ZNF425: variants seen among roughly 807,000 people sequenced by gnomAD.
ZNF425 encodes the protein zinc finger protein 425.
In ZNF425, 21 loss-of-function variants were observed where a neutral mutation model predicts 17.0. The observed-to-expected ratio is 1.23, with a 90% CI of 0.88 to 1.78. The LOEUF (loss-of-function observed/expected upper bound fraction) is 1.78, where lower values mean the gene tolerates loss of function less well. ZNF425 is among the 40% of genes most tolerant of loss of function. ZNF425 has a pLI of 0.00. For missense variants in ZNF425, 868 were observed against 967.3 expected, an observed-to-expected ratio of 0.90 and a Z score of 1.36; for synonymous variants, 433 against 384.1, an observed-to-expected ratio of 1.13 and a Z score of -1.49.
chr7:149,112,246 T>G lies in ZNF425; in HGVS notation c.195A>C (p.Arg65Ser). ...ATCCCTGTTCGCTGATTAATAGCAT[T>G]CTCCCTTGTTCCATCCATGTGATCA... is the stretch of plus-strand genomic sequence containing the variant. ...PDLITWMEQG[R>S]MLLISEQGCL... Residue 65 changes from arginine (R) to serine (S), a missense_variant, in exon 3 of 4, where the codon AGA becomes AGC. Arg to Ser is a moderately radical substitution (Grantham distance 110). Coordinates refer to ENST00000378061, the MANE Select transcript of ZNF425 (RefSeq NM_001001661.3). 3 of 1,614,118 alleles carry G rather than the reference T, an allele frequency of 1.9e-6. No individual in the cohort carries two copies. The Admixed American group carries it at 5.0e-5, about 27-fold the overall frequency.
chr7:149,118,196 A>G, intron 2 of ZNF425, 26 bp downstream of exon 2: 1 of 1,613,804 alleles, frequency 6.2e-7, no homozygotes, highest in Non-Finnish European at 8.5e-7. Context: ...GTTCCTAAAA[A>G]GTGATTCCTT....
intron 1 of ZNF425, among the ~76,000 whole-genome samples, chr7:149,122,256 AT>A (rs1161701712): frequency 2.7e-5 from 4 of 149,970 alleles, no homozygotes; most frequent in Non-Finnish European, 1.5e-5. Flanking sequence ...TTCTAATTGG[AT>A]TTTTTTTTAA....
chr7:149,104,554 C>G lies in ZNF425; in HGVS notation c.1317G>C (p.Lys439Asn), dbSNP rs778981532. The change falls in exon 4 of 4, where the codon AAG becomes AAC. Residue 439 changes from lysine to asparagine, a missense_variant. Physicochemically the swap from Lys to Asn is moderately conservative, Grantham distance 94 (BLOSUM62 0). This residue lies in a region of ZNF425 where 437 missense variants were observed against 444.2 expected (regional missense o/e 0.98). Coordinates refer to ENST00000378061, the MANE Select transcript of ZNF425 (RefSeq NM_001001661.3). This position sits in a 1 kb window ranked among gnomAD's most constrained non-coding sequence, Gnocchi z 4.3. ...LKAHGLQHIG[K>N]RPFQCPECSR... is the part of the protein sequence containing the mutation. ...TGCACTCCGGGCACTGGAAGGGCCG[C>G]TTCCCAATGTGCTGCAGCCCGTGGG... 1 of 1,612,804 alleles carries G rather than the reference C, an allele frequency of 6.2e-7. No individual in the cohort carries two copies. The highest frequency in any genetic ancestry group is 1.1e-5 in the South Asian group (1 of 90,972).
chr7:149,104,346 G>A lies in ZNF425; in HGVS notation c.1525C>T (p.Gln509Ter), dbSNP rs749922209. The A allele has an allele frequency of 5.6e-5, 91 of 1,613,000 alleles. No homozygotes were observed. The highest frequency in any genetic ancestry group is 1.6e-4 in the Middle Eastern group (1 of 6,080). Residue 509 changes from glutamine (Q) to a stop codon, truncating the protein, a stop_gained, in exon 4 of 4, where the codon CAG becomes TAG. Transcript: ENST00000378061. LOFTEE classifies it low-confidence loss of function (END_TRUNC). This position sits in a 1 kb window ranked among gnomAD's most constrained non-coding sequence, Gnocchi z 4.3. ...AGGTGCTGCGTGAGCCGCGACTGCTGAGAAAAGGTCTTTTTGCACTCGCCG... is the reference window on the plus strand; with the variant it reads ...AGGTGCTGCGTGAGCCGCGACTGCTAAGAAAAGGTCTTTTTGCACTCGCCG... ...PCGECKKTFS[Q>*]QSRLTQHLKV...
At position 149,112,234 on chromosome 7, in the gene ZNF425, G is replaced by A; in HGVS notation, c.207C>T (p.Ile69=). Residue 69 remains isoleucine (I), a synonymous_variant, in exon 3 of 4, where the codon ATC becomes ATT. Transcript: ENST00000378061. ...TTTTATCTAAGCATCCCTGTTCGCT[G>A]ATTAATAGCATTCTCCCTTGTTCCA... ...TWMEQGRMLL[I]SEQGCLDKTR... The A allele has an allele frequency of 6.2e-7, 1 of 1,614,172 alleles. No individual in the cohort carries two copies. Among genetic ancestry groups the A allele is most frequent in the Non-Finnish European group, 8.5e-7 (1 of 1,179,982 alleles).
intron 3 of ZNF425, among the ~76,000 whole-genome samples, chr7:149,107,123 A>ATT (rs982614863): frequency 1.2e-4 from 17 of 147,646 alleles, no homozygotes; most frequent in African/African-American, 4.3e-4. Flanking sequence ...AAAAAAAAAA[A>ATT]TTTTTAAGGA....
At chr7:149,108,156 G>C (rs569246710) in intron 3 of ZNF425, among the ~76,000 whole-genome samples, 5 of 152,032 alleles carry the variant, frequency 3.3e-5, no homozygotes, top group Non-Finnish European at 7.4e-5. Context: ...ACAGGCATGA[G>C]CCACTGTACC....
chr7:149,114,939 T>C (rs531705968), intron 2 of ZNF425, among the ~76,000 whole-genome samples: 3 of 123,948 alleles, frequency 2.4e-5, no homozygotes, highest in South Asian at 5.0e-4. Context: ...TTCTTTTTTT[T>C]TTTTTTTTTT....
At chr7:149,117,670 T>TTTC in intron 2 of ZNF425, among the ~76,000 whole-genome samples, 1 of 120,694 alleles carries the variant, frequency 8.3e-6, no homozygotes, top group Non-Finnish European at 1.7e-5. Flanking sequence ...TTTTTTTTTT[T>TTTC]GAGATGGACT....
At position 149,105,461 on chromosome 7, in the gene ZNF425, A is replaced by C; in HGVS notation, c.410T>G (p.Leu137Ter). The change falls in exon 4 of 4, where the codon TTA becomes TGA. Residue 137 changes from leucine to a stop codon, truncating the protein, a stop_gained. Coordinates refer to ENST00000378061, the MANE Select transcript of ZNF425 (RefSeq NM_001001661.3). LOFTEE classifies it low-confidence loss of function (END_TRUNC). ...ALRGKERKIL[L>*]AQTATFQSPS... is the part of the protein sequence containing the mutation. Reference sequence around the variant, plus strand: ...AGACTGGAAGGTGGCTGTTTGAGCTAATAAAATCTTTCTCTCTTTCCCTCG... The same window carrying C: ...AGACTGGAAGGTGGCTGTTTGAGCTCATAAAATCTTTCTCTCTTTCCCTCG... 1 of 1,530,428 alleles carries C rather than the reference A, an allele frequency of 6.5e-7. No homozygotes were observed. The highest frequency in any genetic ancestry group is 8.7e-7 in the Non-Finnish European group (1 of 1,144,146). The allele number at this position is 1,530,428 out of a possible 1,614,324, so 94.8% of individuals were successfully genotyped here. A position where few individuals can be genotyped will look rare whatever the true frequency, so the allele number is the denominator to read the frequency against.
At chr7:149,108,623 G>A (rs1826120930) in intron 3 of ZNF425, among the ~76,000 whole-genome samples, 2 of 152,166 alleles carry the variant, frequency 1.3e-5, no homozygotes, top group African/African-American at 2.4e-5. Flanking sequence ...ACTGGGTGTG[G>A]TGGCTCACGC....
At position 149,104,095 on chromosome 7, in the gene ZNF425, C is replaced by A. The variant is rs1357015530; in HGVS notation, c.1776G>T (p.Thr592=). Residue 592 remains threonine, a synonymous_variant, in exon 4 of 4, where the codon ACG becomes ACT. Coordinates refer to ENST00000378061, the MANE Select transcript of ZNF425 (RefSeq NM_001001661.3). This position sits in a 1 kb window ranked among gnomAD's most constrained non-coding sequence, Gnocchi z 4.3. ...FACGECDKTY[T]HQSQLTEHLR... ...GGTGCTCGGTGAGCTGAGACTGATG[C>A]GTGTAGGTCTTGTCACACTCACCGC... 1.2e-6 allele frequency: 2 copies of A among 1,612,494 alleles called. No individual in the cohort carries two copies. The highest frequency in any genetic ancestry group is 1.3e-5 in the African/African-American group (1 of 74,842).
intron 2 of ZNF425, among the ~76,000 whole-genome samples, chr7:149,112,914 G>A (rs886988411): frequency 1.3e-5 from 2 of 150,738 alleles, no homozygotes; most frequent in South Asian, 4.2e-4. Context: ...GTCTGCCTGC[G>A]TCGGCCTCCC....
chr7:149,122,428 G>A (rs972952638), intron 1 of ZNF425, among the ~76,000 whole-genome samples: 2 of 151,804 alleles, frequency 1.3e-5, no homozygotes, highest in South Asian at 2.1e-4. Context: ...AGCTCTTTAT[G>A]TAGTCTAGAC....
At position 149,105,208 on chromosome 7, in the gene ZNF425, T is replaced by C. The variant is rs146541424; in HGVS notation, c.663A>G (p.Pro221=). The C allele has an allele frequency of 3.7e-6, 6 of 1,614,098 alleles. No individual in the cohort carries two copies. In the Admixed American group the frequency reaches 5.0e-5, roughly 13 times the overall value. ...TCCCTCTGGACGAGTTTTTGTACTT[T>C]GGGTATCTGCAGAGCTGGCTCTTGG... is the stretch of plus-strand genomic sequence containing the variant. The part of the protein sequence containing the change: ...SHSKSQLCRY[P]KYKNSSRGKS... The change falls in exon 4 of 4, where the codon CCA becomes CCG. Residue 221 remains proline (P), a synonymous_variant. Transcript: ENST00000378061.
intron 2 of ZNF425, 50 bp downstream of exon 2, chr7:149,118,172 G>C: frequency 6.2e-7 from 1 of 1,610,582 alleles, no homozygotes; most frequent in East Asian, 2.2e-5. Flanking sequence ...AGGAAGCCTG[G>C]TACTATTAGG....
chr7:149,111,590 T>TAAAAAAAAAAAAAAAAAAAAA (rs60783786), intron 3 of ZNF425, among the ~76,000 whole-genome samples: 4 of 54,382 alleles, frequency 7.4e-5, no homozygotes, highest in African/African-American at 2.0e-4. Context: ...AGACTCTGTC[T>TAAAAAAAAAAAAAAAAAAAAA]AAAAAAAAAA....
At position 149,104,985 on chromosome 7, in the gene ZNF425, G is replaced by A. The variant is rs753084232; in HGVS notation, c.886C>T (p.His296Tyr). 1 of 1,614,214 alleles carries A rather than the reference G, an allele frequency of 6.2e-7. No homozygotes were observed. The highest frequency in any genetic ancestry group is 8.5e-7 in the Non-Finnish European group (1 of 1,180,046). Reference protein sequence around the residue: ...RANLKKHLCLHRGERPFCCGE... With the variant: ...RANLKKHLCLYRGERPFCCGE... ...CAGCAGAACGGCCGCTCCCCGCGGT[G>A]TAGACACAGGTGCTTCTTCAGGTTG... The change falls in exon 4 of 4, where the codon CAC becomes TAC. Residue 296 changes from histidine to tyrosine, a missense_variant. His to Tyr is a moderately conservative substitution (Grantham distance 83, BLOSUM62 2). Transcript: ENST00000378061. This position sits in a 1 kb window ranked among gnomAD's most constrained non-coding sequence, Gnocchi z 4.3.
At position 149,120,519 on chromosome 7, in the gene ZNF425, G is replaced by A. The variant is rs141744363; in HGVS notation, c.19-2171C>T. On this transcript the variant is annotated intron_variant, in intron 1 of 3. Coordinates refer to ENST00000378061, the MANE Select transcript of ZNF425 (RefSeq NM_001001661.3). ...TTACCAATATAGTCATGTGCCACAC[G>A]ATGCTTCAGTGAGAGACCACATATA... Among the ~76,000 whole-genome samples, 12 of 152,278 alleles carry A rather than the reference G, an allele frequency of 7.9e-5. No homozygotes were observed. In the East Asian group the frequency reaches 1.7e-3, roughly 22 times the overall value.
Sources: gnomAD v4.1 joint callset for allele counts (sites outside exome capture counted in the v4.1 genomes callset) on GRCh38, gnomAD v4.1.1 for gene constraint, gnomAD v4.1.1 regional missense constraint, Gnocchi (gnomAD v3.1) non-coding constraint, MANE v1.5 for transcripts, NCBI Gene and HGNC (gene_info 2026-07-23, HGNC 2026-07-21) for gene names.